IMMP2L: variants seen among roughly 807,000 people sequenced by gnomAD.
IMMP2L encodes mitochondrial inner membrane protease subunit 2.
Under a neutral mutation model 19.3 loss-of-function variants are expected in IMMP2L, and 18 were observed. The ratio of observed to expected loss-of-function variants is 0.93; its 90% CI spans 0.64 to 1.38. IMMP2L has a LOEUF of 1.38. Among genes scored for constraint, IMMP2L ranks in the 40% most tolerant of loss-of-function variants. The probability of loss-of-function intolerance (pLI) is 0.00; values close to 1 mark genes in which losing one functional copy is unlikely to be tolerated. For missense variants in IMMP2L, 233 were observed against 218.2 expected (o/e 1.07, Z -0.43); for synonymous variants, 76 against 73.0 (o/e 1.04, Z -0.21).
intron 5 of IMMP2L, among the ~76,000 whole-genome samples, chr7:110,820,381 T>C (rs1231243365): frequency 2.6e-5 from 4 of 152,168 alleles, no homozygotes; most frequent in Admixed American, 2.0e-4. Flanking sequence ...AAATCTCTTC[T>C]TATGTGTTTA....
chr7:110,813,496 T>C (rs571765513), intron 5 of IMMP2L, among the ~76,000 whole-genome samples: 29 of 151,744 alleles, frequency 1.9e-4, no homozygotes, highest in South Asian at 6.2e-4. Context: ...GGTGTGATCA[T>C]AGCACACAGT....
intron 5 of IMMP2L, among the ~76,000 whole-genome samples, chr7:110,823,150 T>C (rs117216769): frequency 0.017 from 2,636 of 152,246 alleles, 27 homozygotes; most frequent in Middle Eastern, 0.044. Context: ...CCTAACTCAT[T>C]AATAAAAGAA....
At chr7:111,451,000 C>G (rs1487120325) in intron 3 of IMMP2L, among the ~76,000 whole-genome samples, 1 of 151,210 alleles carries the variant, frequency 6.6e-6, no homozygotes, top group African/African-American at 2.5e-5. Flanking sequence ...CAAATCAAAA[C>G]CACCATGAGA....
chr7:110,992,654 A>C (rs2129559813), intron 3 of IMMP2L, among the ~76,000 whole-genome samples: 1 of 151,994 alleles, frequency 6.6e-6, no homozygotes, highest in Admixed American at 6.6e-5. Context: ...TTATGATATA[A>C]GTCATAATAT....
chr7:110,977,101 T>A (rs1301451271), intron 3 of IMMP2L, among the ~76,000 whole-genome samples: 1 of 151,942 alleles, frequency 6.6e-6, no homozygotes, highest in African/African-American at 2.4e-5. Flanking sequence ...ACAGAAAGGC[T>A]GTGGTGTTAG....
At chr7:111,239,101 A>T (rs1814687968) in intron 3 of IMMP2L, among the ~76,000 whole-genome samples, 1 of 151,928 alleles carries the variant, frequency 6.6e-6, no homozygotes, top group Middle Eastern at 3.2e-3. Flanking sequence ...GTAACAGACC[A>T]TCTTTCTCAT....
In IMMP2L at chr7:111,550,121, A is replaced by G. The variant is rs1467264719; in HGVS notation, c.-3+11730T>C. Among the ~76,000 whole-genome samples, 4 of 152,276 alleles carry G rather than the reference A, an allele frequency of 2.6e-5. No homozygotes were observed. In the East Asian group the frequency reaches 5.8e-4, roughly 22 times the overall value. On this transcript the variant is annotated intron_variant, in intron 1 of 5. Transcript: ENST00000405709. ...AAAAAAAACTCTTATTCAAGCAACT[A>G]TTAAACAAATAAGCTCCTGGGAAAA...
At chr7:110,702,468 C>A (rs1012910778) in intron 5 of IMMP2L, among the ~76,000 whole-genome samples, 2 of 152,094 alleles carry the variant, frequency 1.3e-5, no homozygotes. Flanking sequence ...ATATTAAGAT[C>A]TTAGTGCCTG....
At position 111,490,416 on chromosome 7, in the gene IMMP2L, C is replaced by G. The variant is rs1843000148; in HGVS notation, c.136-3075G>C. 2.0e-5 allele frequency among the ~76,000 whole-genome samples: 3 copies of G among 151,980 alleles called. No individual in the cohort carries two copies. In the South Asian group the frequency reaches 6.2e-4, roughly 32 times the overall value. The stretch of plus-strand genomic sequence containing the variant: ...TACAGGTAGGAGCCACCATGCCCAG[C>G]CCTTTCTTATTTTCTTACATCCGGG... On this transcript the variant is annotated intron_variant, in intron 2 of 5. Coordinates refer to ENST00000405709, the MANE Select transcript of IMMP2L (RefSeq NM_032549.4).
chr7:111,163,289 T>C (rs1019647931), intron 3 of IMMP2L, among the ~76,000 whole-genome samples: 5 of 151,988 alleles, frequency 3.3e-5, no homozygotes, highest in Non-Finnish European at 7.4e-5. Flanking sequence ...CCACGTGGCT[T>C]CATCACATAG....
intron 3 of IMMP2L, among the ~76,000 whole-genome samples, chr7:111,222,423 A>T (rs567039996): frequency 3.3e-5 from 5 of 152,122 alleles, no homozygotes; most frequent in African/African-American, 9.6e-5. Context: ...GACTTATGAC[A>T]AACAGATGAT....
intron 3 of IMMP2L, among the ~76,000 whole-genome samples, chr7:111,216,124 G>A (rs567881349): frequency 2.0e-5 from 3 of 151,974 alleles, no homozygotes; most frequent in African/African-American, 4.8e-5. Context: ...ATACCTCACC[G>A]TAATTATCTT....
intron 5 of IMMP2L, among the ~76,000 whole-genome samples, chr7:110,768,991 G>A (rs1459162034): frequency 6.6e-6 from 1 of 152,142 alleles, no homozygotes; most frequent in African/African-American, 2.4e-5. Context: ...AGAATTAGGT[G>A]TGCTTAAATT....
At chr7:111,461,737 T>C (rs920611620) in intron 3 of IMMP2L, among the ~76,000 whole-genome samples, 21 of 152,240 alleles carry the variant, frequency 1.4e-4, no homozygotes, top group Non-Finnish European at 2.8e-4. Flanking sequence ...AATAGTTGGA[T>C]AACAGTACAA....
chr7:111,347,300 G>C (rs1827670811), intron 3 of IMMP2L, among the ~76,000 whole-genome samples: 1 of 152,064 alleles, frequency 6.6e-6, no homozygotes, highest in Non-Finnish European at 1.5e-5. Context: ...GGATGTAAGG[G>C]CCAGAGGAGG....
At chr7:110,791,473 A>G (rs573545717) in intron 5 of IMMP2L, among the ~76,000 whole-genome samples, 1 of 151,786 alleles carries the variant, frequency 6.6e-6, no homozygotes, top group South Asian at 2.1e-4. Context: ...ATCTTTAATG[A>G]TAATTATTCT....
Position 110,896,485 on chromosome 7 carries a change from T to C in IMMP2L, c.306-9790A>G. On this transcript the variant is annotated intron_variant, in intron 4 of 5. Transcript: ENST00000405709. ...TTTTATTTTTCAAAAAAAATATTTA[T>C]CCATTTTCAATTGGATTGTTTGTCT... Among the ~76,000 whole-genome samples, 2 of 91,618 alleles carry C rather than the reference T, an allele frequency of 2.2e-5. 1 individual carries two copies. Among genetic ancestry groups the C allele is most frequent in the Admixed American group, 1.9e-4 (2 of 10,438 alleles). 60.1% of individuals were successfully genotyped at this position (91,618 alleles called of 152,430 possible).
chr7:110,749,596 G>A (rs1398032343), intron 5 of IMMP2L, among the ~76,000 whole-genome samples: 1 of 152,106 alleles, frequency 6.6e-6, no homozygotes, highest in African/African-American at 2.4e-5. Flanking sequence ...GTCCTTTGCA[G>A]GGACATGGAT....
At chr7:111,262,804 T>G (rs1817454990) in intron 3 of IMMP2L, among the ~76,000 whole-genome samples, 1 of 152,132 alleles carries the variant, frequency 6.6e-6, no homozygotes, top group South Asian at 2.1e-4. Context: ...GAGAATCCTG[T>G]CCAATGTGGA....
Sources: allele counts gnomAD v4.1 joint callset (sites outside exome capture counted in the v4.1 genomes callset), GRCh38; gene constraint gnomAD v4.1.1; transcripts MANE v1.5; gene names NCBI Gene and HGNC (gene_info 2026-07-23, HGNC 2026-07-21).